Variants in TRIM28 observed in about 807,000 individuals in gnomAD.
The protein encoded by TRIM28 is transcription intermediary factor 1-beta.
TRIM28 carries 8 observed loss-of-function variants against 87.4 expected under a neutral mutation model. The observed-to-expected ratio is 0.09, with a 90% CI of 0.05 to 0.17. The LOEUF (loss-of-function observed/expected upper bound fraction) is 0.17, where lower values mean the gene tolerates loss of function less well. Among genes scored for constraint, TRIM28 ranks in the 10% least tolerant of loss-of-function variants. TRIM28 has a pLI of 1.00. For synonymous variants in TRIM28, 601 were observed against 454.3 expected (o/e 1.32, Z -4.11); for missense variants, 968 against 1,131.8 (o/e 0.86, Z 2.08).
At chr19:58,547,132 ATTG>A (rs1474693915) in intron 3 of TRIM28, 21 of 507,050 alleles carry the variant, frequency 4.1e-5, no homozygotes, top group Middle Eastern at 5.1e-4. Context: ...TTACCCTTAC[ATTG>A]TTGTTATCTC....
At position 58,548,276 on chromosome 19, in the gene TRIM28, C is replaced by T. The variant is rs757141068; in HGVS notation, c.1102-18C>T. The T allele has an allele frequency of 2.5e-6, 4 of 1,614,036 alleles. No individual in the cohort carries two copies. Among genetic ancestry groups the T allele is most frequent in the East Asian group, 2.2e-5 (1 of 44,878 alleles). On this transcript the variant is annotated intron_variant, in intron 7 of 16. Coordinates refer to ENST00000253024, the MANE Select transcript of TRIM28 (RefSeq NM_005762.3). ...TTGTTGGTGTGCTCATTCTTTCCTC[C>T]CTTTCACTCCCAACCAGATCTACTT...
chr19:58,550,634 T>C lies in TRIM28; in HGVS notation c.*81T>C. The C allele has an allele frequency of 7.1e-7, 1 of 1,412,118 alleles. No homozygotes were observed. Among genetic ancestry groups the C allele is most frequent in the Non-Finnish European group, 9.5e-7 (1 of 1,047,740 alleles). The allele number at this position is 1,412,118 out of a possible 1,614,324, so 87.5% of individuals were successfully genotyped here. A position where few individuals can be genotyped will look rare whatever the true frequency, so the allele number is the denominator to read the frequency against. On this transcript the variant is annotated 3_prime_UTR_variant, in exon 17 of 17. Coordinates refer to ENST00000253024, the MANE Select transcript of TRIM28 (RefSeq NM_005762.3). The stretch of plus-strand genomic sequence containing the variant: ...ATCCCCACTCCCCTGGTGGCCTGAC[T>C]CCCACTCCCTGGTGGCCCCATCCCC...
chr19:58,548,798 G>T (rs765381559), intron 10 of TRIM28, 22 bp downstream of exon 10: 2 of 1,614,106 alleles, frequency 1.2e-6, no homozygotes, highest in Non-Finnish European at 8.5e-7. Flanking sequence ...TGCCTAGTGG[G>T]TGGGGAAGGG....
Position 58,548,350 on chromosome 19 carries a change from T to C in TRIM28, c.1158T>C (p.His386=). The C allele has an allele frequency of 6.2e-7, 1 of 1,614,176 alleles. No individual in the cohort carries two copies. Among genetic ancestry groups the C allele is most frequent in the Non-Finnish European group, 8.5e-7 (1 of 1,180,032 alleles). The change falls in exon 8 of 17, where the codon CAT becomes CAC. Residue 386 remains histidine, a synonymous_variant. Coordinates refer to ENST00000253024, the MANE Select transcript of TRIM28 (RefSeq NM_005762.3). ...TGATTGTGGATCCCGTGGAGCCACA[T>C]GGCGAGATGAAGTTTCAGTGGGACC... is the stretch of plus-strand genomic sequence containing the variant. ...LKMIVDPVEP[H]GEMKFQWDLN...
chr19:58,546,358 C>T (rs186889229), intron 3 of TRIM28, among the ~76,000 whole-genome samples: 11 of 152,330 alleles, frequency 7.2e-5, no homozygotes, highest in African/African-American at 2.2e-4. Context: ...TTGGCAGAGA[C>T]TTACCCAAAG....
In TRIM28 at chr19:58,544,204, C is replaced by T. The variant is rs1398534690; in HGVS notation, c.-554C>T. The T allele has an allele frequency of 6.6e-6, 1 of 152,330 alleles. No homozygotes were observed. Among genetic ancestry groups the T allele is most frequent in the African/African-American group, 2.4e-5 (1 of 41,480 alleles). The allele number at this position is 152,330 out of a possible 1,614,324, so 9.4% of individuals were successfully genotyped here. On this transcript the variant is annotated 5_prime_UTR_variant, in exon 1 of 17. Coordinates refer to ENST00000253024, the MANE Select transcript of TRIM28 (RefSeq NM_005762.3). The stretch of plus-strand genomic sequence containing the variant: ...GTGGAGCTGAGAGGGGAATCACACT[C>T]TATAAAGGTTCGCATACCCCACTGG...
chr19:58,547,552 C>T, intron 4 of TRIM28, 41 bp downstream of exon 4: 1 of 1,613,560 alleles, frequency 6.2e-7, no homozygotes, highest in Non-Finnish European at 8.5e-7. Context: ...TGGGTGCCAC[C>T]CCTTCCGTAG....
Position 58,549,182 on chromosome 19 carries a change from G to T in TRIM28, c.1604G>T (p.Gly535Val), listed in dbSNP as rs985723027. The change falls in exon 12 of 17, where the codon GGG becomes GTG. Residue 535 changes from glycine (G) to valine (V), a missense_variant. Gly to Val is a moderately radical substitution (Grantham distance 109). Transcript: ENST00000253024. This position sits in a 1 kb window ranked among gnomAD's most constrained non-coding sequence, Gnocchi z 4.4. Reference sequence around the variant, plus strand: ...GCCGCTGCAGCTACCGGCCAGCCAGGGACTGCGCCTGCAGGAACCCCTGGT... The same window carrying T: ...GCCGCTGCAGCTACCGGCCAGCCAGTGACTGCGCCTGCAGGAACCCCTGGT... Reference protein sequence around the residue: ...GAAAAATGQPGTAPAGTPGAP... With the variant: ...GAAAAATGQPVTAPAGTPGAP... 5 of 1,613,804 alleles carry T rather than the reference G, an allele frequency of 3.1e-6. No homozygotes were observed. In the African/African-American group the frequency reaches 6.7e-5, roughly 22 times the overall value.
At position 58,547,589 on chromosome 19, in the gene TRIM28, G is replaced by A. The variant is rs1179271532; in HGVS notation, c.723-8G>A. ...TTAGTGCTCAGGAACACATCTGTCT[G>A]CTCTCAGGTACCAGTTCTTAGAGGA... On this transcript the variant is annotated splice_polypyrimidine_tract_variant and splice_region_variant and intron_variant, in intron 4 of 16. Transcript: ENST00000253024. 6.2e-7 allele frequency: 1 copy of A among 1,613,916 alleles called. No individual in the cohort carries two copies. The highest frequency in any genetic ancestry group is 1.1e-5 in the South Asian group (1 of 91,076).
chr19:58,550,431 A>C lies in TRIM28; in HGVS notation c.2386A>C (p.Met796Leu). ...CCTGCAGCGCTTCTTCGAGACGCGC[A>C]TGAACGAGGCCTTCGGTGACACCAA... The part of the protein sequence containing the change: ...IGLQRFFETR[M>L]NEAFGDTKFS... The change falls in exon 17 of 17, where the codon ATG (methionine) becomes CTG (leucine). Residue 796 changes from methionine to leucine, a missense_variant. Met to Leu is a conservative substitution (Grantham distance 15, BLOSUM62 2). This residue lies in a region of TRIM28 where 192 missense variants were observed against 225.6 expected (regional missense o/e 0.85). Transcript: ENST00000253024. 1 of 1,613,862 alleles carries C rather than the reference A, an allele frequency of 6.2e-7. No individual in the cohort carries two copies. The highest frequency in any genetic ancestry group is 1.1e-5 in the South Asian group (1 of 91,086).
intron 15 of TRIM28, 34 bp from the exon 16 acceptor site, chr19:58,550,113 T>G: frequency 6.2e-7 from 1 of 1,613,668 alleles, no homozygotes; most frequent in South Asian, 1.1e-5. Flanking sequence ...TATATGTGTG[T>G]CTTTGTGTGT....
In TRIM28 at chr19:58,549,063, G is replaced by T. The variant is rs776614791; in HGVS notation, c.1485G>T (p.Leu495=). Residue 495 remains leucine, a synonymous_variant, in exon 12 of 17, where the codon CTG becomes CTT. Transcript: ENST00000253024. The surrounding 1 kb of genome is among the most constrained non-coding windows in gnomAD (Gnocchi z 4.4). ...VPRVSLERLD[L]DLTADSQPPV... ...GAGTGAGCCTTGAACGCCTGGACCT[G>T]GACCTCACAGCTGACAGCCAGCCAC... The T allele has an allele frequency of 9.9e-6, 16 of 1,613,954 alleles. No homozygotes were observed. Among genetic ancestry groups the T allele is most frequent in the Admixed American group, 5.0e-5 (3 of 59,990 alleles).
Position 58,549,021 on chromosome 19 carries a change from T to C in TRIM28, c.1443T>C (p.Leu481=), listed in dbSNP as rs138879530. 6.2e-5 allele frequency: 100 copies of C among 1,614,036 alleles called. No homozygotes were observed. The East Asian group carries it at 2.2e-3, about 35-fold the overall frequency. Residue 481 remains leucine (L), a synonymous_variant, in exon 12 of 17, where the codon CTT becomes CTC. Coordinates refer to ENST00000253024, the MANE Select transcript of TRIM28 (RefSeq NM_005762.3). This position sits in a 1 kb window ranked among gnomAD's most constrained non-coding sequence, Gnocchi z 4.4. ...CAGGTGAGGGCGAGGTGAGCGGCCT[T>C]ATGCGCAAGGTGCCACGAGTGAGCC... The part of the protein sequence containing the change: ...SRSGEGEVSG[L]MRKVPRVSLE...
chr19:58,549,945 G>A lies in TRIM28; in HGVS notation c.2107-4G>A, dbSNP rs2053800428. ...AGCTGTGACATCCCTTACAATGTTT[G>A]TAGAAATGTGAGCGTGTACTGCTGG... is the stretch of plus-strand genomic sequence containing the variant. On this transcript the variant is annotated splice_polypyrimidine_tract_variant and splice_region_variant and intron_variant, in intron 14 of 16. Transcript: ENST00000253024. The surrounding 1 kb of genome is among the most constrained non-coding windows in gnomAD (Gnocchi z 4.4). 6.2e-7 allele frequency: 1 copy of A among 1,614,028 alleles called. No individual in the cohort carries two copies. Among genetic ancestry groups the A allele is most frequent in the South Asian group, 1.1e-5 (1 of 91,066 alleles).
At chr19:58,546,790 G>A (rs1384671536) in intron 3 of TRIM28, among the ~76,000 whole-genome samples, 1 of 152,134 alleles carries the variant, frequency 6.6e-6, no homozygotes, top group Admixed American at 6.6e-5. Context: ...GTCTTTGGGT[G>A]GGATTATGCT....
Position 58,548,115 on chromosome 19 carries a change from C to T in TRIM28, c.1036C>T (p.Leu346=), listed in dbSNP as rs987683054. ...GATCCAGAAGCACCAGGAGCACATT[C>T]TGCGCTTTGCCTCTTGGGCTCTGGA... ...TKIQKHQEHI[L]RFASWALESD... is the part of the protein sequence containing the mutation. The change falls in exon 7 of 17, where the codon CTG becomes TTG. Residue 346 remains leucine (L), a synonymous_variant. Coordinates refer to ENST00000253024, the MANE Select transcript of TRIM28 (RefSeq NM_005762.3). 3 of 1,614,108 alleles carry T rather than the reference C, an allele frequency of 1.9e-6. No individual in the cohort carries two copies. Among genetic ancestry groups the T allele is most frequent in the Non-Finnish European group, 2.5e-6 (3 of 1,180,040 alleles).
rs763079663 is a variant in TRIM28, at chr19:58,549,588, C to T, written c.1920C>T (p.Cys640=). The change falls in exon 13 of 17, where the codon TGC becomes TGT. Residue 640 remains cysteine (C), a synonymous_variant. Coordinates refer to ENST00000253024, the MANE Select transcript of TRIM28 (RefSeq NM_005762.3). The surrounding 1 kb of genome is among the most constrained non-coding windows in gnomAD (Gnocchi z 4.4). ...VCQKPGDLVM[C]NQCEFCFHLD... ...AGAAGCCAGGCGATCTGGTTATGTGCAACCAGTGTGAGTTTTGTTTCCACC... is the reference window on the plus strand; with the variant it reads ...AGAAGCCAGGCGATCTGGTTATGTGTAACCAGTGTGAGTTTTGTTTCCACC... The T allele has an allele frequency of 1.2e-5, 19 of 1,614,090 alleles. No individual in the cohort carries two copies. Among genetic ancestry groups the T allele is most frequent in the Non-Finnish European group, 1.5e-5 (18 of 1,179,982 alleles).
chr19:58,549,285 G>C lies in TRIM28; in HGVS notation c.1662+45G>C, dbSNP rs1238335351. ...CTATAGCTGTAGGATGAAGCCTGTA[G>C]TCCAGGTCTGGACCCTGTTGAACAC... On this transcript the variant is annotated intron_variant, in intron 12 of 16. Transcript: ENST00000253024. This position sits in a 1 kb window ranked among gnomAD's most constrained non-coding sequence, Gnocchi z 4.4. 3 of 1,593,976 alleles carry C rather than the reference G, an allele frequency of 1.9e-6. No individual in the cohort carries two copies. The East Asian group carries it at 6.7e-5, about 36-fold the overall frequency.
In TRIM28 at chr19:58,547,786, C is replaced by T. The variant is rs75453307; in HGVS notation, c.840-6C>T. The T allele has an allele frequency of 8.6e-4, 1,386 of 1,614,044 alleles. 17 individuals carry two copies. In the African/African-American group the frequency reaches 0.016, roughly 18 times the overall value. On this transcript the variant is annotated splice_region_variant and splice_polypyrimidine_tract_variant and intron_variant, in intron 5 of 16. Transcript: ENST00000253024. Reference sequence around the variant, plus strand: ...CCTACCTAGCCTGACCTGCTGTGTCCCCTAGAATCCGCCAGGTGTCTGACG... The same window carrying T: ...CCTACCTAGCCTGACCTGCTGTGTCTCCTAGAATCCGCCAGGTGTCTGACG...
Sources: allele counts gnomAD v4.1 joint callset (sites outside exome capture counted in the v4.1 genomes callset), GRCh38; gene constraint gnomAD v4.1.1; regional missense constraint gnomAD v4.1.1; non-coding constraint Gnocchi (gnomAD v3.1); transcripts MANE v1.5; gene names NCBI Gene and HGNC (gene_info 2026-07-23, HGNC 2026-07-21).